GPR39: variants seen among roughly 807,000 people sequenced by gnomAD.
The protein encoded by GPR39 is zinc sensing receptor.
GPR39 carries 23 observed loss-of-function variants against 18.4 expected under a neutral mutation model. The ratio of observed to expected loss-of-function variants is 1.25; its 90% confidence interval spans 0.90 to 1.77. The LOEUF (loss-of-function observed/expected upper bound fraction) is 1.77. Among genes scored for constraint, GPR39 ranks in the 40% most tolerant of loss-of-function variants. The pLI is 0.00. For synonymous variants in GPR39, 280 were observed against 257.9 expected (o/e 1.09, Z -0.82); for missense variants, 647 against 602.4 (o/e 1.07, Z -0.78).
intron 1 of GPR39, among the ~76,000 whole-genome samples, chr2:132,636,424 G>A (rs1681757152): frequency 6.6e-6 from 1 of 152,176 alleles, no homozygotes; most frequent in South Asian, 2.1e-4. Context: ...AAAGGAGACA[G>A]TGGGGAAGCA....
In GPR39 at chr2:132,489,355, G is replaced by T. The variant is rs573077685; in HGVS notation, c.856+71457G>T. 2.0e-5 allele frequency among the ~76,000 whole-genome samples: 3 copies of T among 152,236 alleles called. No homozygotes were observed. The East Asian group carries it at 5.8e-4, about 29-fold the overall frequency. On this transcript the variant is annotated intron_variant, in intron 1 of 1. Coordinates refer to ENST00000329321, the MANE Select transcript of GPR39 (RefSeq NM_001508.3). ...AGCACCGAGGGCAGGGACGAGGGCG[G>T]TGGGGGCCGCTGGCGGCTCCTGGGC... is the stretch of plus-strand genomic sequence containing the variant.
chr2:132,466,571 C>T (rs1680930734), intron 1 of GPR39, among the ~76,000 whole-genome samples: 1 of 152,104 alleles, frequency 6.6e-6, no homozygotes, highest in Admixed American at 6.5e-5. Flanking sequence ...CTGCTCCTCT[C>T]CTGCAGGGTA....
At chr2:132,479,948 G>A (rs1681201839) in intron 1 of GPR39, among the ~76,000 whole-genome samples, 1 of 151,972 alleles carries the variant, frequency 6.6e-6, no homozygotes, top group Non-Finnish European at 1.5e-5. Flanking sequence ...GAACCCTTGG[G>A]CACTGTTGGC....
chr2:132,498,007 C>T (rs1173514682), intron 1 of GPR39, among the ~76,000 whole-genome samples: 3 of 152,252 alleles, frequency 2.0e-5, no homozygotes, highest in East Asian at 1.9e-4. Flanking sequence ...CTTAGGCTTA[C>T]ACTTCAGTTA....
At chr2:132,547,030 G>A (rs967517543) in intron 1 of GPR39, among the ~76,000 whole-genome samples, 1 of 152,010 alleles carries the variant, frequency 6.6e-6, no homozygotes, top group African/African-American at 2.4e-5. Flanking sequence ...GGAGCAAGAT[G>A]CTGTGTTTCC....
At chr2:132,567,889 C>CA (rs1180031013) in intron 1 of GPR39, among the ~76,000 whole-genome samples, 1 of 152,094 alleles carries the variant, frequency 6.6e-6, no homozygotes, top group Non-Finnish European at 1.5e-5. Context: ...TTTCCCTACA[C>CA]AAGCGCTCTT....
chr2:132,572,019 A>G (rs1454160384), intron 1 of GPR39, among the ~76,000 whole-genome samples: 3 of 152,102 alleles, frequency 2.0e-5, no homozygotes, highest in Non-Finnish European at 2.9e-5. Flanking sequence ...AGGTATCAAG[A>G]GAGGAAATCT....
intron 1 of GPR39, among the ~76,000 whole-genome samples, chr2:132,607,475 C>G (rs911919549): frequency 6.6e-6 from 1 of 152,104 alleles, no homozygotes; most frequent in African/African-American, 2.4e-5. Context: ...TTTTAATAGC[C>G]TTGGGGGCCA....
intron 1 of GPR39, among the ~76,000 whole-genome samples, chr2:132,535,695 C>CTT (rs753801511): frequency 0.031 from 2,981 of 96,546 alleles, 450 homozygotes; most frequent in African/African-American, 0.11. Context: ...TGGTCCTGGG[C>CTT]TTTTTTTTTT....
chr2:132,425,410 T>C (rs1244735040), intron 1 of GPR39, among the ~76,000 whole-genome samples: 1 of 152,102 alleles, frequency 6.6e-6, no homozygotes, highest in Non-Finnish European at 1.5e-5. Context: ...GGATTGAAGT[T>C]CTCTGACAGT....
chr2:132,543,301 G>A (rs1679892297), intron 1 of GPR39, among the ~76,000 whole-genome samples: 1 of 152,124 alleles, frequency 6.6e-6, no homozygotes, highest in South Asian at 2.1e-4. Context: ...CCCTTAGACT[G>A]AGACACTCCA....
chr2:132,528,541 A>G (rs1393059342), intron 1 of GPR39, among the ~76,000 whole-genome samples: 1 of 152,174 alleles, frequency 6.6e-6, no homozygotes, highest in Non-Finnish European at 1.5e-5. Context: ...TTTTCACACT[A>G]TTGATTCTTC....
intron 1 of GPR39, among the ~76,000 whole-genome samples, chr2:132,598,245 T>G (rs1573689721): frequency 1.3e-5 from 2 of 152,316 alleles, no homozygotes; most frequent in East Asian, 3.9e-4. Flanking sequence ...ACATACAGAT[T>G]GGTTTAAAGC....
intron 1 of GPR39, among the ~76,000 whole-genome samples, chr2:132,466,358 G>A (rs1387960748): frequency 6.6e-6 from 1 of 152,176 alleles, no homozygotes; most frequent in East Asian, 1.9e-4. Context: ...ATACTTTCTG[G>A]ATGATTGTCC....
At chr2:132,518,736 C>CT (rs1679375333) in intron 1 of GPR39, among the ~76,000 whole-genome samples, 2 of 152,194 alleles carry the variant, frequency 1.3e-5, no homozygotes, top group African/African-American at 4.8e-5. Flanking sequence ...GTGACATTAA[C>CT]TTTAATATAT....
chr2:132,545,655 C>CGTGT (rs35108024), intron 1 of GPR39, among the ~76,000 whole-genome samples: 19,343 of 149,674 alleles, frequency 0.13, 1,801 homozygotes, highest in East Asian at 0.51. Context: ...GTGTGATGGG[C>CGTGT]GTGTGTGTGT....
At chr2:132,594,638 T>G (rs549466761) in intron 1 of GPR39, among the ~76,000 whole-genome samples, 6 of 152,174 alleles carry the variant, frequency 3.9e-5, no homozygotes, top group South Asian at 2.1e-4. Flanking sequence ...TCAGAGTGTT[T>G]TAGATCCTGA....
chr2:132,587,999 G>A (rs73955741), intron 1 of GPR39, among the ~76,000 whole-genome samples: 2,063 of 152,290 alleles, frequency 0.014, 52 homozygotes, highest in African/African-American at 0.047. Flanking sequence ...GGGTGCTGAG[G>A]TGTCTTACTT....
At chr2:132,534,911 G>A (rs1019998220) in intron 1 of GPR39, among the ~76,000 whole-genome samples, 18 of 151,878 alleles carry the variant, frequency 1.2e-4, no homozygotes, top group African/African-American at 4.4e-4. Flanking sequence ...AAGGGGAGCA[G>A]CACACCAACA....
Sources: gnomAD v4.1 joint callset for allele counts (sites outside exome capture counted in the v4.1 genomes callset) on GRCh38, gnomAD v4.1.1 for gene constraint, MANE v1.5 for transcripts, NCBI Gene and HGNC (gene_info 2026-07-23, HGNC 2026-07-21) for gene names.